HEATR4: variants seen among roughly 807,000 people sequenced by gnomAD.
HEATR4 encodes the protein HEAT repeat containing 4, also known as HEAT repeat-containing protein 4.
In HEATR4, 95 loss-of-function variants were observed where a neutral mutation model predicts 108.8. That is an observed-to-expected ratio of 0.87 (90% CI 0.74 to 1.04). The LOEUF (loss-of-function observed/expected upper bound fraction) is 1.04. HEATR4 is among the 50% of genes least tolerant of loss of function. The pLI is 0.00. For missense variants in HEATR4, 1,152 were observed against 1,253.8 expected (o/e 0.92, Z 1.23); for synonymous variants, 443 against 459.4 (o/e 0.96, Z 0.46).
At chr14:73,619,749 A>G in the HEATR4 span, 1 of 1,613,946 alleles carries the variant, frequency 6.2e-7, no homozygotes, top group South Asian at 1.1e-5. Context: ...AGGCTCACTC[A>G]AAGGCACAGG....
At chr14:73,528,569 A>G (rs1888507290) in intron 2 of HEATR4, among the ~76,000 whole-genome samples, 1 of 152,106 alleles carries the variant, frequency 6.6e-6, no homozygotes, top group Non-Finnish European at 1.5e-5. Flanking sequence ...CCTTGGAGTC[A>G]CGGGACAGGT....
the HEATR4 span, among the ~76,000 whole-genome samples, chr14:73,566,031 C>G: frequency 6.6e-6 from 1 of 151,946 alleles, no homozygotes; most frequent in Non-Finnish European, 1.5e-5. Context: ...CTCCACGTCC[C>G]CACCAGAATA....
intron 17 of HEATR4, among the ~76,000 whole-genome samples, chr14:73,485,246 A>T (rs1253074041): frequency 6.6e-6 from 1 of 152,130 alleles, no homozygotes; most frequent in Non-Finnish European, 1.5e-5. Context: ...AAAATGGGAC[A>T]ACATATTGTT....
the HEATR4 span, among the ~76,000 whole-genome samples, chr14:73,576,844 T>A: frequency 1.6e-5 from 2 of 127,862 alleles, no homozygotes; most frequent in African/African-American, 5.7e-5. Context: ...TCACTTGATA[T>A]AAATAGTTCC....
At chr14:73,505,217 C>T (rs1886734272) in intron 10 of HEATR4, among the ~76,000 whole-genome samples, 1 of 152,066 alleles carries the variant, frequency 6.6e-6, no homozygotes, top group Non-Finnish European at 1.5e-5. Context: ...GTACCGGACC[C>T]CTTCACAGAA....
rs75260176 is a variant in HEATR4 at position 73,486,307 on chromosome 14, C to G, written c.2844+6759G>C. ...TGCAAAATAGCCCCAGGTTCAGAAC[C>G]ACTGCCTCGGACATTTGCTTTCTTT... On this transcript the variant is annotated intron_variant, in intron 17 of 17. Coordinates refer to ENST00000553558, the MANE Select transcript of HEATR4 (RefSeq NM_001220484.1). Among the ~76,000 whole-genome samples the G allele has an allele frequency of 1.4e-3, 206 of 152,314 alleles. 1 individual carries two copies. The highest frequency in any genetic ancestry group is 4.6e-3 in the African/African-American group (191 of 41,584).
chr14:73,522,663 G>A lies in HEATR4; in HGVS notation c.490C>T (p.Leu164Phe), dbSNP rs775159885. The A allele has an allele frequency of 5.0e-6, 8 of 1,614,128 alleles. No homozygotes were observed. In the East Asian group the frequency reaches 8.9e-5, roughly 18 times the overall value. Reference protein sequence around the residue: ...ASTVREAPRPLIHHPCMHPDM... With the variant: ...ASTVREAPRPFIHHPCMHPDM... ...GGATGCATGCAGGGATGATGGATGAGAGGGCGGGGTGCTTCCCGGACGGTG... is the reference window on the plus strand; with the variant it reads ...GGATGCATGCAGGGATGATGGATGAAAGGGCGGGGTGCTTCCCGGACGGTG... Residue 164 changes from leucine to phenylalanine, a missense_variant, in exon 3 of 18, where the codon CTC becomes TTC. By Grantham distance (22) the Leu-to-Phe change is conservative. Coordinates refer to ENST00000553558, the MANE Select transcript of HEATR4 (RefSeq NM_001220484.1).
chr14:73,622,336 T>C, the HEATR4 span, among the ~76,000 whole-genome samples: 2 of 152,116 alleles, frequency 1.3e-5, no homozygotes, highest in Non-Finnish European at 2.9e-5. Context: ...AACCTAGAAA[T>C]GGCATACACT....
chr14:73,632,014 G>A, the HEATR4 span: 9 of 155,200 alleles, frequency 5.8e-5, no homozygotes, highest in East Asian at 1.6e-3. Context: ...GCCAGTGGTT[G>A]ACTATGGATA....
At chr14:73,507,139 T>C (rs569967049) in intron 9 of HEATR4, among the ~76,000 whole-genome samples, 1 of 152,256 alleles carries the variant, frequency 6.6e-6, no homozygotes, top group East Asian at 1.9e-4. Context: ...AAAATGATTT[T>C]TATATGCCTC....
chr14:73,573,151 T>A, the HEATR4 span, among the ~76,000 whole-genome samples: 8 of 151,896 alleles, frequency 5.3e-5, no homozygotes, highest in Non-Finnish European at 1.2e-4. Context: ...CACCATTAAA[T>A]GGATTCATTC....
At chr14:73,479,588 G>A (rs1019046561) in intron 17 of HEATR4, among the ~76,000 whole-genome samples, 16 of 151,738 alleles carry the variant, frequency 1.1e-4, no homozygotes, top group African/African-American at 3.9e-4. Context: ...ACAGGCATGC[G>A]CCACCACACC....
the HEATR4 span, among the ~76,000 whole-genome samples, chr14:73,573,158 A>G: frequency 1.3e-5 from 2 of 151,498 alleles, no homozygotes; most frequent in African/African-American, 2.4e-5. Context: ...AAATGGATTC[A>G]TTCACCAGTT....
At chr14:73,527,887 G>T (rs779650555) in intron 2 of HEATR4, among the ~76,000 whole-genome samples, 24 of 147,592 alleles carry the variant, frequency 1.6e-4, no homozygotes, top group Non-Finnish European at 3.1e-4. Context: ...GCTGAGGCAG[G>T]AGAGTTCCTT....
At chr14:73,614,637 C>A in the HEATR4 span, among the ~76,000 whole-genome samples, 4 of 151,422 alleles carry the variant, frequency 2.6e-5, no homozygotes, top group South Asian at 8.3e-4. Context: ...GTCCCAGCTA[C>A]TAGGGAGGCT....
intron 17 of HEATR4, among the ~76,000 whole-genome samples, chr14:73,484,218 A>C (rs1885357165): frequency 6.6e-6 from 1 of 151,868 alleles, no homozygotes; most frequent in South Asian, 2.1e-4. Context: ...ATTATTTTAT[A>C]GGTTATATGA....
intron 1 of HEATR4, among the ~76,000 whole-genome samples, chr14:73,549,297 G>A (rs2158980): frequency 0.013 from 1,495 of 114,072 alleles, 35 homozygotes; most frequent in African/African-American, 0.041. Flanking sequence ...TCTCAGGGGC[G>A]TCAGGCCTCA....
the HEATR4 span, among the ~76,000 whole-genome samples, chr14:73,621,416 G>A: frequency 2.0e-5 from 3 of 152,130 alleles, no homozygotes; most frequent in South Asian, 2.1e-4. Context: ...CTACCAAATC[G>A]GACTTCCTCC....
rs569878063 is a variant in HEATR4 at position 73,537,303 on chromosome 14, C to T, written c.-151-7059G>A. ...GGCCTTCCCCGCTCACATTAGCAGA[C>T]AGCTCTGCCCTAGTGGGCGTTTAGC... On this transcript the variant is annotated intron_variant, in intron 1 of 17. Transcript: ENST00000553558. 1.8e-4 allele frequency: 161 copies of T among 907,732 alleles called. 43 individuals carry two copies. Among genetic ancestry groups the T allele is most frequent in the Admixed American group, 1.4e-3 (43 of 31,548 alleles). 56.2% of individuals were successfully genotyped at this position (907,732 alleles called of 1,614,324 possible). A position where few individuals can be genotyped will look rare whatever the true frequency, so the allele number is the denominator to read the frequency against.
Sources: allele counts gnomAD v4.1 joint callset (sites outside exome capture counted in the v4.1 genomes callset), GRCh38; gene constraint gnomAD v4.1.1; transcripts MANE v1.5; gene names NCBI Gene and HGNC (gene_info 2026-07-23, HGNC 2026-07-21).